TENM4: variants seen among roughly 807,000 people sequenced by gnomAD.
TENM4 encodes teneurin transmembrane protein 4, also known as teneurin-4.
A neutral mutation model predicts 243.3 loss-of-function variants in TENM4; 82 were observed. The observed-to-expected ratio is 0.34, with a 90% confidence interval of 0.28 to 0.40. The LOEUF (loss-of-function observed/expected upper bound fraction) is 0.40, where lower values mean the gene tolerates loss of function less well. Ranked by LOEUF, TENM4 falls within the 10% of genes least tolerant of loss-of-function variation. The pLI is 1.00. For synonymous variants in TENM4, 1,412 were observed against 1,456.3 expected (o/e 0.97, Z 0.69); for missense variants, 3,138 against 3,673.3 (o/e 0.85, Z 3.77).
At chr11:79,261,687 G>A (rs1855800881) in intron 2 of TENM4, among the ~76,000 whole-genome samples, 1 of 152,020 alleles carries the variant, frequency 6.6e-6, no homozygotes, top group Non-Finnish European at 1.5e-5. Context: ...CAATTTTTTT[G>A]GTTTGCTTTT....
chr11:78,798,240 C>T (rs1221821180), intron 15 of TENM4, among the ~76,000 whole-genome samples: 3 of 152,188 alleles, frequency 2.0e-5, no homozygotes, highest in Admixed American at 6.5e-5. Context: ...ATTATTTTAA[C>T]CCGGTTGCTA....
chr11:78,905,910 C>A (rs1856051276), intron 6 of TENM4, among the ~76,000 whole-genome samples: 2 of 152,240 alleles, frequency 1.3e-5, no homozygotes, highest in Non-Finnish European at 2.9e-5. Context: ...TCGGTGGAGA[C>A]AGACAGAGCC....
chr11:79,385,655 T>C (rs558284592), intron 1 of TENM4, among the ~76,000 whole-genome samples: 1 of 152,366 alleles, frequency 6.6e-6, no homozygotes, highest in South Asian at 2.1e-4. Flanking sequence ...GTAAATTTGC[T>C]TTACTTTACA....
At chr11:79,396,042 C>T (rs1858337322) in intron 1 of TENM4, among the ~76,000 whole-genome samples, 1 of 152,192 alleles carries the variant, frequency 6.6e-6, no homozygotes, top group Non-Finnish European at 1.5e-5. Flanking sequence ...AGTCCTCATG[C>T]ATTTATTTTC....
intron 6 of TENM4, among the ~76,000 whole-genome samples, chr11:78,973,745 T>C (rs1277202120): frequency 2.0e-5 from 3 of 151,468 alleles, no homozygotes; most frequent in African/African-American, 4.9e-5. Flanking sequence ...GCAAAAGTAA[T>C]TGTGGTTTTT....
chr11:79,326,734 C>T (rs1315246532), intron 1 of TENM4, among the ~76,000 whole-genome samples: 1 of 152,170 alleles, frequency 6.6e-6, no homozygotes, highest in Admixed American at 6.5e-5. Context: ...TCCCATTTAA[C>T]TGAGTCTCTT....
intron 6 of TENM4, among the ~76,000 whole-genome samples, chr11:78,993,641 A>G (rs994235284): frequency 1.3e-5 from 2 of 152,168 alleles, no homozygotes; most frequent in African/African-American, 4.8e-5. Context: ...CACAGTGTAC[A>G]ATCTGCTGTT....
intron 32 of TENM4, among the ~76,000 whole-genome samples, chr11:78,666,972 T>C (rs1252293213): frequency 2.0e-5 from 3 of 152,162 alleles, no homozygotes; most frequent in African/African-American, 7.2e-5. Context: ...AAAGTACATT[T>C]CCTATTGCAC....
At chr11:79,359,657 G>A (rs780206793) in intron 1 of TENM4, among the ~76,000 whole-genome samples, 1 of 152,172 alleles carries the variant, frequency 6.6e-6, no homozygotes, top group African/African-American at 2.4e-5. Context: ...GTCGAAGGGG[G>A]GAGGGTGAGA....
intron 7 of TENM4, among the ~76,000 whole-genome samples, chr11:78,894,979 TAAAAAAAAAAAAA>T (rs67819510): frequency 6.7e-5 from 4 of 59,470 alleles, no homozygotes; most frequent in Non-Finnish European, 1.4e-4. Flanking sequence ...GACTCGGCCT[TAAAAAAAAAAAAA>T]AAAAAAAAAA....
chr11:78,923,613 C>T (rs1036592808), intron 6 of TENM4, among the ~76,000 whole-genome samples: 1 of 150,054 alleles, frequency 6.7e-6, no homozygotes, highest in East Asian at 2.0e-4. Flanking sequence ...TTTTGGCTCA[C>T]TGCAACTTCT....
At chr11:78,798,104 C>A (rs1036840054) in intron 15 of TENM4, among the ~76,000 whole-genome samples, 20 of 152,216 alleles carry the variant, frequency 1.3e-4, no homozygotes, top group Admixed American at 2.6e-4. Flanking sequence ...ATTAAAGCAT[C>A]TCACTCAGTC....
chr11:79,246,633 G>A (rs896372634), intron 2 of TENM4, among the ~76,000 whole-genome samples: 1 of 152,158 alleles, frequency 6.6e-6, no homozygotes, highest in Non-Finnish European at 1.5e-5. Flanking sequence ...TTAAAAAGAT[G>A]ACATTGAGCA....
intron 6 of TENM4, among the ~76,000 whole-genome samples, chr11:79,004,670 C>T (rs978720708): frequency 6.6e-6 from 1 of 151,890 alleles, no homozygotes; most frequent in Middle Eastern, 3.2e-3. Context: ...AATTAACAAC[C>T]GAACATCACA....
chr11:79,256,938 A>G (rs1162449210), intron 2 of TENM4, among the ~76,000 whole-genome samples: 1 of 152,214 alleles, frequency 6.6e-6, no homozygotes, highest in Non-Finnish European at 1.5e-5. Context: ...GACATAACAG[A>G]TGGCTCCTCA....
chr11:79,243,218 G>A (rs1396460050), intron 2 of TENM4, among the ~76,000 whole-genome samples: 3 of 152,078 alleles, frequency 2.0e-5, no homozygotes, highest in African/African-American at 7.2e-5. Flanking sequence ...AGGTGTCTGT[G>A]TTTCGGGGGT....
At chr11:78,760,567 ACT>A (rs1227917828) in intron 18 of TENM4, among the ~76,000 whole-genome samples, 1 of 152,218 alleles carries the variant, frequency 6.6e-6, no homozygotes, top group Non-Finnish European at 1.5e-5. Flanking sequence ...GAACTTTTAG[ACT>A]GAGACTCTGA....
At chr11:79,041,069 C>CT (rs35346731) in intron 6 of TENM4, among the ~76,000 whole-genome samples, 110,102 of 146,798 alleles carry the variant, frequency 0.75, 41,858 homozygotes, top group Non-Finnish European at 0.84. Flanking sequence ...CCATTCTCCT[C>CT]TTTTTTTTTT....
chr11:79,059,026 T>C (rs539880771), intron 6 of TENM4, among the ~76,000 whole-genome samples: 15 of 152,284 alleles, frequency 9.9e-5, no homozygotes, highest in African/African-American at 3.6e-4. Flanking sequence ...TGGAGTTAAT[T>C]GGTAATGAGT....
Sources: gnomAD v4.1 joint callset for allele counts (sites outside exome capture counted in the v4.1 genomes callset) on GRCh38, gnomAD v4.1.1 for gene constraint, MANE v1.5 for transcripts, NCBI Gene and HGNC (gene_info 2026-07-23, HGNC 2026-07-21) for gene names.